The following SLCO3A1 variants were observed in gnomAD, a reference collection of about 807,000 sequenced individuals.
SLCO3A1 encodes the protein solute carrier organic anion transporter family member 3A1.
In SLCO3A1, 27 loss-of-function variants were observed where a neutral mutation model predicts 63.1. The ratio of observed to expected loss-of-function variants is 0.43; its 90% confidence interval spans 0.32 to 0.59. SLCO3A1 has a LOEUF of 0.59. Ranked by LOEUF, SLCO3A1 falls within the 20% of genes least tolerant of loss-of-function variation. The pLI is 0.09. For missense variants in SLCO3A1, 773 were observed against 945.8 expected (o/e 0.82, Z 2.40); for synonymous variants, 473 against 409.9 (o/e 1.15, Z -1.86).
intron 7 of SLCO3A1, among the ~76,000 whole-genome samples, chr15:92,139,185 AG>A (rs1344911267): frequency 2.7e-5 from 4 of 150,692 alleles, no homozygotes; most frequent in South Asian, 4.2e-4. Flanking sequence ...TTTAGCATGA[AG>A]GGTTGTTGAA....
At chr15:91,934,282 C>T (rs1899331519) in intron 2 of SLCO3A1, among the ~76,000 whole-genome samples, 1 of 152,114 alleles carries the variant, frequency 6.6e-6, no homozygotes, top group African/African-American at 2.4e-5. Context: ...AGCAAGCCTA[C>T]CCTTTGCCCC....
intron 2 of SLCO3A1, among the ~76,000 whole-genome samples, chr15:92,005,709 A>G (rs1323520816): frequency 6.6e-6 from 1 of 152,210 alleles, no homozygotes; most frequent in African/African-American, 2.4e-5. Flanking sequence ...TGAGGGATGC[A>G]GAGCACACCT....
At chr15:92,097,091 A>G (rs971671198) in intron 3 of SLCO3A1, among the ~76,000 whole-genome samples, 8 of 152,228 alleles carry the variant, frequency 5.3e-5, no homozygotes, top group Non-Finnish European at 1.2e-4. Context: ...CTTGAAGGGT[A>G]GCAAAGTGGC....
At chr15:92,016,033 C>T (rs1438817902) in intron 2 of SLCO3A1, among the ~76,000 whole-genome samples, 1 of 152,090 alleles carries the variant, frequency 6.6e-6, no homozygotes. Flanking sequence ...CAGGATAGGG[C>T]ACTCCAAGGA....
chr15:92,138,909 T>G (rs1255797577), intron 7 of SLCO3A1, among the ~76,000 whole-genome samples: 1 of 97,364 alleles, frequency 1.0e-5, no homozygotes, highest in Non-Finnish European at 1.9e-5. Context: ...TATACAATCA[T>G]GTCGTCTGCA....
chr15:91,931,801 GCACACA>G (rs747533145), intron 2 of SLCO3A1, among the ~76,000 whole-genome samples: 4 of 149,770 alleles, frequency 2.7e-5, no homozygotes, highest in Non-Finnish European at 4.5e-5. Context: ...ACACACACAC[GCACACA>G]CACACACACA....
chr15:92,101,033 T>G (rs1596101778), intron 3 of SLCO3A1, among the ~76,000 whole-genome samples: 1 of 152,148 alleles, frequency 6.6e-6, no homozygotes, highest in African/African-American at 2.4e-5. Flanking sequence ...CTCCTTGTCC[T>G]CAGAGGAAGA....
chr15:91,926,275 A>G (rs1461799303), intron 2 of SLCO3A1, among the ~76,000 whole-genome samples: 1 of 152,184 alleles, frequency 6.6e-6, no homozygotes, highest in Non-Finnish European at 1.5e-5. Flanking sequence ...AAAACAAACA[A>G]AAGTATTTAA....
intron 2 of SLCO3A1, among the ~76,000 whole-genome samples, chr15:92,080,114 T>C (rs1477539137): frequency 1.3e-5 from 2 of 152,178 alleles, no homozygotes; most frequent in Non-Finnish European, 1.5e-5. Context: ...AAGCCCAGAG[T>C]GGCAACAGCT....
intron 2 of SLCO3A1, among the ~76,000 whole-genome samples, chr15:91,927,110 G>A (rs572394077): frequency 2.0e-5 from 3 of 152,184 alleles, no homozygotes; most frequent in African/African-American, 7.2e-5. Flanking sequence ...TTAGGCAACT[G>A]TGGTGAAAAG....
chr15:92,162,596 TGGGA>T, intron 9 of SLCO3A1, 156 bp from the exon 10 acceptor site: 1 of 1,196,028 alleles, frequency 8.4e-7, no homozygotes, highest in Non-Finnish European at 1.1e-6. Context: ...AAGGCAGAAC[TGGGA>T]CACAAACTCA....
At chr15:91,921,370 T>G (rs1898837883) in intron 2 of SLCO3A1, among the ~76,000 whole-genome samples, 1 of 152,184 alleles carries the variant, frequency 6.6e-6, no homozygotes, top group Non-Finnish European at 1.5e-5. Flanking sequence ...GCTGATGTAC[T>G]GGGGGTTAGG....
chr15:92,155,626 AC>A (rs2048361538), intron 9 of SLCO3A1, among the ~76,000 whole-genome samples: 1 of 141,476 alleles, frequency 7.1e-6, no homozygotes, highest in African/African-American at 2.5e-5. Flanking sequence ...ATGCAGGATA[AC>A]CCATCAAAAG....
chr15:92,141,298 C>A (rs1193381871), intron 7 of SLCO3A1, among the ~76,000 whole-genome samples: 1 of 152,178 alleles, frequency 6.6e-6, no homozygotes, highest in African/African-American at 2.4e-5. Flanking sequence ...ATTCTGCAAT[C>A]ATAAACTAAT....
At chr15:91,993,276 C>G (rs768998405) in intron 2 of SLCO3A1, among the ~76,000 whole-genome samples, 1 of 152,102 alleles carries the variant, frequency 6.6e-6, no homozygotes, top group African/African-American at 2.4e-5. Flanking sequence ...TTGAGCCTTC[C>G]GAATTCAGAG....
At chr15:92,005,744 C>A (rs188766187) in intron 2 of SLCO3A1, among the ~76,000 whole-genome samples, 2 of 152,138 alleles carry the variant, frequency 1.3e-5, no homozygotes, top group African/African-American at 2.4e-5. Context: ...TTACACAACC[C>A]GATAGATTTC....
intron 2 of SLCO3A1, among the ~76,000 whole-genome samples, chr15:92,063,782 G>A (rs1567098262): frequency 2.0e-5 from 3 of 152,098 alleles, no homozygotes; most frequent in South Asian, 4.1e-4. Flanking sequence ...CCTGGGAGGC[G>A]GAGGTTGCAG....
rs1234294258 is a variant in SLCO3A1, at chr15:91,880,405, C to CTGTGTGTGTGTGTGTGTGTGTG, written c.180+26318_180+26319insGTGTGTGTGTGTGTGTGTGTGT. Among the ~76,000 whole-genome samples the CTGTGTGTGTGTGTGTGTGTGTG allele has an allele frequency of 3.4e-3, 487 of 142,274 alleles. 7 individuals carry two copies. Among genetic ancestry groups the CTGTGTGTGTGTGTGTGTGTGTG allele is most frequent in the African/African-American group, 0.012 (437 of 36,676 alleles). 93.3% of individuals were successfully genotyped at this position (142,274 alleles called of 152,430 possible). ...CTTCTCTCTCTCTCTCTCTCTCTCT[C>CTGTGTGTGTGTGTGTGTGTGTG]TCTCTGTGTGTGTGTGTGTGTAGTT... On this transcript the variant is annotated intron_variant, in intron 1 of 9. Transcript: ENST00000318445.
At chr15:91,958,110 A>G (rs757133799) in intron 2 of SLCO3A1, among the ~76,000 whole-genome samples, 22 of 152,216 alleles carry the variant, frequency 1.4e-4, no homozygotes, top group Non-Finnish European at 2.9e-4. Context: ...TAGCCTAGGA[A>G]TATTGAAAAA....
Sources: gnomAD v4.1 joint callset for allele counts (sites outside exome capture counted in the v4.1 genomes callset) on GRCh38, gnomAD v4.1.1 for gene constraint, MANE v1.5 for transcripts, NCBI Gene and HGNC (gene_info 2026-07-23, HGNC 2026-07-21) for gene names.